The following DOK6 variants were observed in gnomAD, a reference collection of about 807,000 sequenced individuals.
DOK6 encodes downstream of tyrosine kinase 6.
A neutral mutation model predicts 44.0 loss-of-function variants in DOK6; 22 were observed. The observed-to-expected ratio is 0.50, with a 90% CI of 0.36 to 0.71. The LOEUF is 0.71. Ranked by LOEUF, DOK6 falls within the 30% of genes least tolerant of loss-of-function variation. DOK6 has a pLI of 0.00. For synonymous variants in DOK6, 166 were observed against 145.5 expected, an observed-to-expected ratio of 1.14 and a Z score of -1.01; for missense variants, 340 against 416.4, an observed-to-expected ratio of 0.82 and a Z score of 1.60.
At chr18:69,775,099 A>G (rs1980021526) in intron 7 of DOK6, among the ~76,000 whole-genome samples, 1 of 151,920 alleles carries the variant, frequency 6.6e-6, no homozygotes, top group Non-Finnish European at 1.5e-5. Context: ...TCAAGAAATG[A>G]GGCCAGATGC....
intron 1 of DOK6, among the ~76,000 whole-genome samples, chr18:69,486,668 A>T (rs191436888): frequency 5.9e-5 from 9 of 152,180 alleles, no homozygotes; most frequent in African/African-American, 2.2e-4. Context: ...CTTTACACAG[A>T]GAAGTCTGGA....
intron 7 of DOK6, among the ~76,000 whole-genome samples, chr18:69,794,518 T>G (rs1180417216): frequency 2.6e-5 from 4 of 152,172 alleles, no homozygotes. Context: ...TGACAATGTC[T>G]CTTATTTCAC....
chr18:69,521,585 A>G (rs1195473218), intron 1 of DOK6, among the ~76,000 whole-genome samples: 2 of 151,964 alleles, frequency 1.3e-5, no homozygotes, highest in Non-Finnish European at 2.9e-5. Flanking sequence ...TTTAATTTCT[A>G]TGAGTGGGGA....
intron 3 of DOK6, among the ~76,000 whole-genome samples, chr18:69,623,202 TTGTAAG>T (rs1246951011): frequency 6.6e-6 from 1 of 152,174 alleles, no homozygotes; most frequent in African/African-American, 2.4e-5. Context: ...TCTGTCATTA[TTGTAAG>T]TTTCATGAGG....
chr18:69,426,065 T>C (rs576854647), intron 1 of DOK6, among the ~76,000 whole-genome samples: 1 of 152,214 alleles, frequency 6.6e-6, no homozygotes, highest in Non-Finnish European at 1.5e-5. Flanking sequence ...TATGATCAGG[T>C]TAATTTTTTC....
At chr18:69,588,807 T>C (rs1216092453) in intron 2 of DOK6, among the ~76,000 whole-genome samples, 2 of 136,124 alleles carry the variant, frequency 1.5e-5, no homozygotes, top group African/African-American at 5.1e-5. Context: ...CATATAATTA[T>C]ATTATAATTA....
chr18:69,823,747 C>G (rs951008881), intron 7 of DOK6, among the ~76,000 whole-genome samples: 1 of 151,948 alleles, frequency 6.6e-6, no homozygotes, highest in Non-Finnish European at 1.5e-5. Context: ...TTCTATGACT[C>G]TGTACTTTTA....
chr18:69,617,511 AAAGAAAAGAAAG>A (rs1273220923), intron 3 of DOK6, among the ~76,000 whole-genome samples: 12 of 24,288 alleles, frequency 4.9e-4, no homozygotes, highest in Admixed American at 9.2e-4. Context: ...AAAGAGAAAG[AAAGAAAAGAAAG>A]AAAGGAAAGA....
intron 3 of DOK6, among the ~76,000 whole-genome samples, chr18:69,620,000 G>C (rs980375844): frequency 6.6e-6 from 1 of 151,644 alleles, no homozygotes; most frequent in African/African-American, 2.4e-5. Flanking sequence ...AGTATGTTTT[G>C]ATTTTATGTA....
At chr18:69,650,031 G>A (rs994868853) in intron 3 of DOK6, among the ~76,000 whole-genome samples, 3 of 151,586 alleles carry the variant, frequency 2.0e-5, no homozygotes, top group Admixed American at 6.6e-5. Flanking sequence ...ACCACAGAGC[G>A]ACTTTCCTTT....
At position 69,524,778 on chromosome 18, in the gene DOK6, T is replaced by C. The variant is rs144617879; in HGVS notation, c.67-39709T>C. ...CAACCTAATTTTTAAAACAAAGTAA[T>C]TGTCCAGTAGCCTATAATCATTAAA... is the stretch of plus-strand genomic sequence containing the variant. On this transcript the variant is annotated intron_variant, in intron 1 of 7. Transcript: ENST00000382713. Among the ~76,000 whole-genome samples, 6 of 152,006 alleles carry C rather than the reference T, an allele frequency of 3.9e-5. No individual in the cohort carries two copies. In the East Asian group the frequency reaches 1.2e-3, roughly 29 times the overall value.
At chr18:69,439,381 G>C (rs1346166136) in intron 1 of DOK6, among the ~76,000 whole-genome samples, 1 of 152,160 alleles carries the variant, frequency 6.6e-6, no homozygotes, top group African/African-American at 2.4e-5. Flanking sequence ...TCTAACAGGA[G>C]AGCCAGCCAA....
chr18:69,728,136 T>C (rs1483187638), intron 5 of DOK6, among the ~76,000 whole-genome samples: 2 of 152,244 alleles, frequency 1.3e-5, no homozygotes, highest in African/African-American at 4.8e-5. Context: ...CACCCTGCTC[T>C]TTGACTCCAG....
chr18:69,517,803 C>T lies in DOK6; in HGVS notation c.67-46684C>T, dbSNP rs116821589. ...CCAAGCAGCAAATGACGTGGATGTG[C>T]GGATATCAGTCATGGAATAGCATTT... is the stretch of plus-strand genomic sequence containing the variant. On this transcript the variant is annotated intron_variant, in intron 1 of 7. Coordinates refer to ENST00000382713, the MANE Select transcript of DOK6 (RefSeq NM_152721.6). Among the ~76,000 whole-genome samples the T allele has an allele frequency of 5.9e-3, 899 of 151,478 alleles. 10 individuals are homozygous for T. The highest frequency in any genetic ancestry group is 0.02 in the African/African-American group (845 of 41,254).
chr18:69,763,318 G>A (rs1422816844), intron 7 of DOK6, among the ~76,000 whole-genome samples: 1 of 152,126 alleles, frequency 6.6e-6, no homozygotes, highest in African/African-American at 2.4e-5. Context: ...AAGGATAGTT[G>A]ATTTGTATTT....
intron 1 of DOK6, among the ~76,000 whole-genome samples, chr18:69,455,472 T>C (rs1381005759): frequency 6.6e-6 from 1 of 152,222 alleles, no homozygotes; most frequent in South Asian, 2.1e-4. Context: ...TTGACTCAAC[T>C]ATTTTTAACA....
At chr18:69,660,450 G>A (rs1035449166) in intron 3 of DOK6, 8 of 152,054 alleles carry the variant, frequency 5.3e-5, no homozygotes, top group African/African-American at 1.5e-4. Context: ...CGTGGTATGC[G>A]CTAGTGCAGG....
chr18:69,757,670 T>C, intron 6 of DOK6, 86 bp from the exon 7 acceptor site: 2 of 1,102,566 alleles, frequency 1.8e-6, no homozygotes, highest in South Asian at 1.3e-5. Context: ...TATCTGTCAC[T>C]CACATTTAAC....
chr18:69,695,658 T>G (rs1370013152), intron 4 of DOK6, among the ~76,000 whole-genome samples: 2 of 152,194 alleles, frequency 1.3e-5, no homozygotes, highest in African/African-American at 4.8e-5. Context: ...TTAGGTAACA[T>G]AATGTGCTGC....
Sources: allele counts gnomAD v4.1 joint callset (sites outside exome capture counted in the v4.1 genomes callset), GRCh38; gene constraint gnomAD v4.1.1; transcripts MANE v1.5; gene names NCBI Gene and HGNC (gene_info 2026-07-23, HGNC 2026-07-21).